Variants in ELMO1 observed in about 807,000 individuals in gnomAD.
ELMO1 encodes the protein engulfment and cell motility protein 1.
A neutral mutation model predicts 98.9 loss-of-function variants in ELMO1; 26 were observed. That is an observed-to-expected ratio of 0.26 (90% confidence interval 0.19 to 0.36). The LOEUF is 0.36. Ranked by LOEUF, ELMO1 falls within the 10% of genes least tolerant of loss-of-function variation. The pLI, the probability that ELMO1 is intolerant of heterozygous loss-of-function variation, is 1.00. For synonymous variants in ELMO1, 346 were observed against 346.0 expected, an observed-to-expected ratio of 1.00 and a Z score of 0.00; for missense variants, 627 against 935.2, an observed-to-expected ratio of 0.67 and a Z score of 4.30.
intron 1 of ELMO1, among the ~76,000 whole-genome samples, chr7:37,438,600 A>C (rs1029108372): frequency 4.0e-3 from 7 of 1,740 alleles, no homozygotes; most frequent in African/African-American, 0.034. Flanking sequence ...ACTCTGTCTC[A>C]AAAAAAAAAA....
intron 16 of ELMO1, among the ~76,000 whole-genome samples, chr7:36,927,412 G>A (rs1239026419): frequency 2.0e-5 from 3 of 152,202 alleles, no homozygotes; most frequent in African/African-American, 7.2e-5. Context: ...TACGTGTTAT[G>A]CCTGTTAACA....
At chr7:37,056,690 G>A (rs777230482) in intron 15 of ELMO1, among the ~76,000 whole-genome samples, 36 of 152,202 alleles carry the variant, frequency 2.4e-4, no homozygotes, top group Non-Finnish European at 4.7e-4. Context: ...AGATGGAAAC[G>A]TCTATCATCC....
chr7:36,875,323 C>G (rs1803858243), intron 19 of ELMO1, among the ~76,000 whole-genome samples: 1 of 152,002 alleles, frequency 6.6e-6, no homozygotes, highest in Non-Finnish European at 1.5e-5. Flanking sequence ...ATGAGTATAC[C>G]CATTTCTCTA....
chr7:37,253,808 A>G (rs1046869817), intron 6 of ELMO1, among the ~76,000 whole-genome samples: 2 of 152,028 alleles, frequency 1.3e-5, no homozygotes, highest in East Asian at 1.9e-4. Flanking sequence ...AAAAGTAAGG[A>G]GAAAAATTCC....
intron 1 of ELMO1, among the ~76,000 whole-genome samples, chr7:37,373,057 G>A (rs1334056575): frequency 6.6e-6 from 1 of 152,210 alleles, no homozygotes; most frequent in East Asian, 1.9e-4. Context: ...ACACAGGCAG[G>A]TAAATGGTTC....
intron 15 of ELMO1, among the ~76,000 whole-genome samples, chr7:37,065,661 T>A (rs915093786): frequency 6.6e-6 from 1 of 152,134 alleles, no homozygotes; most frequent in African/African-American, 2.4e-5. Flanking sequence ...CCAACCCACA[T>A]GGAAAAAAGT....
chr7:36,903,827 T>C (rs1409919908), intron 16 of ELMO1, among the ~76,000 whole-genome samples: 35 of 152,256 alleles, frequency 2.3e-4, no homozygotes. Flanking sequence ...CGCTTGTTAC[T>C]GCCCACAGTT....
At chr7:37,417,411 C>T (rs1007381670) in intron 1 of ELMO1, among the ~76,000 whole-genome samples, 9 of 152,114 alleles carry the variant, frequency 5.9e-5, no homozygotes, top group Non-Finnish European at 1.3e-4. Flanking sequence ...CCTGTAATCC[C>T]AGCACTTTCG....
Position 37,342,973 on chromosome 7 carries a change from G to C in ELMO1, c.-73-210C>G. Reference sequence around the variant, plus strand: ...TGGGGGTGCCCGTGCCAACGCCCTTGAGTCAAAGCCGCCAGGAGACGCTGC... The same window carrying C: ...TGGGGGTGCCCGTGCCAACGCCCTTCAGTCAAAGCCGCCAGGAGACGCTGC... On this transcript the variant is annotated intron_variant, in intron 1 of 21. Transcript: ENST00000310758. The surrounding 1 kb of genome is among the most constrained non-coding windows in gnomAD (Gnocchi z 4.3). 1 of 366,956 alleles carries C rather than the reference G, an allele frequency of 2.7e-6. No homozygotes were observed. 22.7% of individuals were successfully genotyped at this position (366,956 alleles called of 1,614,324 possible).
chr7:36,912,811 C>T (rs1207059540), intron 16 of ELMO1, among the ~76,000 whole-genome samples: 8 of 152,104 alleles, frequency 5.3e-5, no homozygotes, highest in African/African-American at 1.9e-4. Flanking sequence ...CTGCCTCAAG[C>T]ATAGTTACGA....
At chr7:36,959,947 T>A (rs901252430) in intron 16 of ELMO1, among the ~76,000 whole-genome samples, 1 of 152,118 alleles carries the variant, frequency 6.6e-6, no homozygotes, top group African/African-American at 2.4e-5. Context: ...TCCCAAAGCA[T>A]ATAATCTCAT....
chr7:37,181,776 A>G (rs1471320670), intron 13 of ELMO1, among the ~76,000 whole-genome samples: 1 of 152,228 alleles, frequency 6.6e-6, no homozygotes, highest in Admixed American at 6.5e-5. Flanking sequence ...AGCTGACTAA[A>G]GTCAGTACTT....
intron 1 of ELMO1, among the ~76,000 whole-genome samples, chr7:37,379,557 T>G (rs539071959): frequency 2.0e-4 from 31 of 152,216 alleles, no homozygotes; most frequent in Non-Finnish European, 3.8e-4. Context: ...CAATAAAAGC[T>G]TATTGTTTTT....
chr7:37,330,117 C>T (rs946894316), intron 2 of ELMO1, among the ~76,000 whole-genome samples: 1 of 152,204 alleles, frequency 6.6e-6, no homozygotes. Flanking sequence ...AATCCAGAGC[C>T]CCTGTTCTTT....
chr7:37,120,404 G>A (rs749701197), intron 14 of ELMO1, among the ~76,000 whole-genome samples: 26 of 152,204 alleles, frequency 1.7e-4, no homozygotes, highest in African/African-American at 6.0e-4. Flanking sequence ...AACAGCACCT[G>A]GGAAATTGGG....
chr7:36,972,365 A>C (rs1790043145), intron 16 of ELMO1, among the ~76,000 whole-genome samples: 2 of 152,348 alleles, frequency 1.3e-5, no homozygotes, highest in South Asian at 4.1e-4. Flanking sequence ...AAAGTCCATG[A>C]AAAGAATCTG....
chr7:37,316,379 T>A (rs1290683880), intron 2 of ELMO1, among the ~76,000 whole-genome samples: 1 of 152,212 alleles, frequency 6.6e-6, no homozygotes, highest in African/African-American at 2.4e-5. Flanking sequence ...CCTGGATTCA[T>A]GATATTTTTA....
At chr7:37,153,830 G>A (rs573723147) in intron 13 of ELMO1, among the ~76,000 whole-genome samples, 183 of 152,264 alleles carry the variant, frequency 1.2e-3, no homozygotes, top group Non-Finnish European at 2.0e-3. Flanking sequence ...TTCAAGATCC[G>A]ATAATGAACA....
intron 1 of ELMO1, chr7:37,435,093 G>A (rs1399970898): frequency 6.6e-6 from 1 of 152,198 alleles, no homozygotes; most frequent in Non-Finnish European, 1.5e-5. Context: ...AAATATTTGT[G>A]AATTAACAAA....
Sources: gnomAD v4.1 joint callset for allele counts (sites outside exome capture counted in the v4.1 genomes callset) on GRCh38, gnomAD v4.1.1 for gene constraint, Gnocchi (gnomAD v3.1) non-coding constraint, MANE v1.5 for transcripts, NCBI Gene and HGNC (gene_info 2026-07-23, HGNC 2026-07-21) for gene names.